Variants in GSTCD observed in about 807,000 individuals in gnomAD.
GSTCD encodes glutathione S-transferase C-terminal domain-containing protein.
In GSTCD, 44 loss-of-function variants were observed where a neutral mutation model predicts 68.3. That is an observed-to-expected ratio of 0.64 (90% CI 0.51 to 0.83). The LOEUF (loss-of-function observed/expected upper bound fraction) is 0.83, where lower values mean the gene tolerates loss of function less well. GSTCD is among the 40% of genes least tolerant of loss of function. The pLI, the probability that GSTCD is intolerant of heterozygous loss-of-function variation, is 0.00. For missense variants in GSTCD, 739 were observed against 735.9 expected (o/e 1.00, Z -0.05); for synonymous variants, 273 against 255.2 (o/e 1.07, Z -0.67).
At chr4:105,743,632 A>G (rs966016677) in intron 5 of GSTCD, among the ~76,000 whole-genome samples, 1 of 128,122 alleles carries the variant, frequency 7.8e-6, no homozygotes, top group African/African-American at 2.9e-5. Context: ...ATACTTAAAT[A>G]TTTCCTAAAA....
chr4:105,802,344 C>G (rs1318987565), intron 5 of GSTCD, among the ~76,000 whole-genome samples: 1 of 152,068 alleles, frequency 6.6e-6, no homozygotes, highest in African/African-American at 2.4e-5. Context: ...AGGCCAGCCT[C>G]TTTTCTATAC....
In GSTCD at chr4:105,717,789, A is replaced by G. The variant is rs200804571; in HGVS notation, c.176A>G (p.Asp59Gly). 2.6e-5 allele frequency: 42 copies of G among 1,614,014 alleles called. No individual in the cohort carries two copies. The East Asian group carries it at 8.7e-4, about 33-fold the overall frequency. Residue 59 changes from aspartate to glycine, a missense_variant, in exon 2 of 12, where the codon GAT becomes GGT. By Grantham distance (94) the Asp-to-Gly change is moderately conservative. Transcript: ENST00000515279. ...CLVVTKEVSR[D>G]SSLLRDDLIQ... ...GTTGTCACCAAAGAGGTGAGTAGAG[A>G]TAGTTCACTACTAAGAGATGACCTG...
intron 5 of GSTCD, among the ~76,000 whole-genome samples, chr4:105,800,073 C>T (rs1736049268): frequency 6.6e-6 from 1 of 152,012 alleles, no homozygotes; most frequent in Non-Finnish European, 1.5e-5. Context: ...TTACAAATAC[C>T]TGTATTAGTC....
At chr4:105,797,760 C>CTTTTTTTTTTTTTTTTTTTTT (rs70941218) in intron 5 of GSTCD, among the ~76,000 whole-genome samples, 4 of 84,952 alleles carry the variant, frequency 4.7e-5, no homozygotes, top group African/African-American at 1.9e-4. Flanking sequence ...CACAATAGAA[C>CTTTTTTTTTTTTTTTTTTTTT]TTTTTTTTTT....
Position 105,766,887 on chromosome 4 carries a change from C to CTTTTTTTTTTTTTTTTTTTTT in GSTCD, c.1240+37393_1240+37413dup. Among the ~76,000 whole-genome samples, 95 of 57,096 alleles carry CTTTTTTTTTTTTTTTTTTTTT rather than the reference C, an allele frequency of 1.7e-3. 7 individuals are homozygous for CTTTTTTTTTTTTTTTTTTTTT. Among genetic ancestry groups the CTTTTTTTTTTTTTTTTTTTTT allele is most frequent in the African/African-American group, 6.5e-3 (81 of 12,416 alleles). 37.5% of individuals were successfully genotyped at this position (57,096 alleles called of 152,430 possible). A position where few individuals can be genotyped will look rare whatever the true frequency, so the allele number is the denominator to read the frequency against. On this transcript the variant is annotated intron_variant, in intron 5 of 11. Coordinates refer to ENST00000515279, the MANE Select transcript of GSTCD (RefSeq NM_001370181.1). ...CAAAAGCATGAATAGGTTTTTGACT[C>CTTTTTTTTTTTTTTTTTTTTT]TTTTTTTTTTTTTTTTTTTTTTTTT...
Position 105,717,820 on chromosome 4 carries a change from G to T in GSTCD, c.207G>T (p.Gln69His). The change falls in exon 2 of 12, where the codon CAG becomes CAT. Residue 69 changes from glutamine (Q) to histidine (H), a missense_variant. Gln to His is a conservative substitution (Grantham distance 24, BLOSUM62 0). Transcript: ENST00000515279. ...DSSLLRDDLI[Q>H]DVEIQIISRQ... ...CACTACTAAGAGATGACCTGATCCA[G>T]GATGTTGAAATACAGATTATTTCAA... The T allele has an allele frequency of 6.2e-7, 1 of 1,614,036 alleles. No homozygotes were observed.
chr4:105,759,974 A>G (rs1216155654), intron 5 of GSTCD, among the ~76,000 whole-genome samples: 1 of 152,154 alleles, frequency 6.6e-6, no homozygotes, highest in Non-Finnish European at 1.5e-5. Context: ...AAACATTGGT[A>G]GTTATTTCGC....
intron 5 of GSTCD, among the ~76,000 whole-genome samples, chr4:105,772,470 T>G (rs930697677): frequency 6.6e-6 from 1 of 152,222 alleles, no homozygotes; most frequent in African/African-American, 2.4e-5. Context: ...TTTTGCCTAT[T>G]CAGTACTATA....
At chr4:105,718,568 C>G (rs142927484) in intron 2 of GSTCD, among the ~76,000 whole-genome samples, 1 of 152,278 alleles carries the variant, frequency 6.6e-6, no homozygotes, top group East Asian at 1.9e-4. Flanking sequence ...CTCACCTATT[C>G]CTTTACAGCA....
chr4:105,759,527 G>A (rs778097620), intron 5 of GSTCD, among the ~76,000 whole-genome samples: 1 of 152,096 alleles, frequency 6.6e-6, no homozygotes, highest in African/African-American at 2.4e-5. Context: ...TCCTTAAACA[G>A]ACTGAGCTAC....
At chr4:105,754,348 A>G (rs778620516) in intron 5 of GSTCD, among the ~76,000 whole-genome samples, 1 of 152,224 alleles carries the variant, frequency 6.6e-6, no homozygotes, top group Non-Finnish European at 1.5e-5. Flanking sequence ...ATCCTTAACC[A>G]TAGGGTAAAA....
At chr4:105,711,566 A>G (rs1732537792) in intron 1 of GSTCD, among the ~76,000 whole-genome samples, 1 of 152,244 alleles carries the variant, frequency 6.6e-6, no homozygotes. Context: ...TATAAATTAT[A>G]AAGAAATAAT....
chr4:105,710,379 C>T (rs908379215), intron 1 of GSTCD, among the ~76,000 whole-genome samples: 3 of 148,014 alleles, frequency 2.0e-5, no homozygotes, highest in African/African-American at 7.5e-5. Context: ...CACAATCACA[C>T]TCGGCTCCTT....
At chr4:105,792,334 G>T (rs543054499) in intron 5 of GSTCD, among the ~76,000 whole-genome samples, 1 of 152,076 alleles carries the variant, frequency 6.6e-6, no homozygotes, top group African/African-American at 2.4e-5. Context: ...AATTTAAATG[G>T]GTTAAGTTTA....
chr4:105,809,616 A>G lies in GSTCD; in HGVS notation c.1241-13338A>G, dbSNP rs192985580. 1.9e-3 allele frequency among the ~76,000 whole-genome samples: 284 copies of G among 152,114 alleles called. 1 individual carries two copies. Among genetic ancestry groups the G allele is most frequent in the Non-Finnish European group, 2.5e-3 (168 of 67,980 alleles). On this transcript the variant is annotated intron_variant, in intron 5 of 11. Transcript: ENST00000515279. ...CCTATCTACCCCCACTGGAATGTGT[A>G]CTCCATGGCAGCAAGGACTGCAATA...
intron 5 of GSTCD, among the ~76,000 whole-genome samples, chr4:105,781,522 G>A (rs1339707652): frequency 6.6e-6 from 1 of 151,682 alleles, no homozygotes; most frequent in Admixed American, 6.6e-5. Context: ...CTCGCAAAGT[G>A]CCCAATTACA....
At chr4:105,789,051 A>G (rs1735568172) in intron 5 of GSTCD, among the ~76,000 whole-genome samples, 1 of 152,102 alleles carries the variant, frequency 6.6e-6, no homozygotes, top group Non-Finnish European at 1.5e-5. Flanking sequence ...ATTTAAAACT[A>G]CCATAGATTT....
At chr4:105,782,998 A>C (rs1578471319) in intron 5 of GSTCD, among the ~76,000 whole-genome samples, 2 of 152,348 alleles carry the variant, frequency 1.3e-5, no homozygotes, top group African/African-American at 4.8e-5. Context: ...CATTGATAAT[A>C]ACTATGCTGG....
At chr4:105,766,542 G>A (rs1734614574) in intron 5 of GSTCD, among the ~76,000 whole-genome samples, 1 of 152,148 alleles carries the variant, frequency 6.6e-6, no homozygotes, top group African/African-American at 2.4e-5. Context: ...GATACTTAGA[G>A]TCATCTGGTT....
Sources: allele counts gnomAD v4.1 joint callset (sites outside exome capture counted in the v4.1 genomes callset), GRCh38; gene constraint gnomAD v4.1.1; transcripts MANE v1.5; gene names NCBI Gene and HGNC (gene_info 2026-07-23, HGNC 2026-07-21).